The following ANXA8 variants were observed in gnomAD, a reference collection of about 807,000 sequenced individuals.
ANXA8 encodes the protein VAC-beta.
Under a neutral mutation model 26.8 loss-of-function variants are expected in ANXA8, and 9 were observed. The observed-to-expected ratio is 0.34, with a 90% confidence interval of 0.20 to 0.59. ANXA8 has a LOEUF of 0.59. Among genes scored for constraint, ANXA8 ranks in the 20% least tolerant of loss-of-function variants. ANXA8 has a pLI of 0.84. For missense variants in ANXA8, 83 were observed against 238.5 expected (o/e 0.35, Z 4.29); for synonymous variants, 39 against 94.8 (o/e 0.41, Z 3.42).
the ANXA8 span, among the ~76,000 whole-genome samples, chr10:47,750,141 C>T: frequency 6.6e-6 from 1 of 151,840 alleles, no homozygotes; most frequent in Non-Finnish European, 1.5e-5. Context: ...GAAAAACAGA[C>T]AAAAATATCA....
chr10:47,944,186 C>G, the ANXA8 span, among the ~76,000 whole-genome samples: 1 of 145,268 alleles, frequency 6.9e-6, no homozygotes, highest in Non-Finnish European at 1.5e-5. Context: ...ATAGATGGCG[C>G]CTTCTTGCTG....
the ANXA8 span, among the ~76,000 whole-genome samples, chr10:47,621,589 G>A: frequency 3.6e-3 from 396 of 109,026 alleles, 107 homozygotes; most frequent in African/African-American, 0.013. Flanking sequence ...TGGGTCTATG[G>A]GTGGGTAGTG....
the ANXA8 span, among the ~76,000 whole-genome samples, chr10:47,547,265 G>A: frequency 1.2e-4 from 16 of 136,820 alleles, no homozygotes; most frequent in Non-Finnish European, 4.7e-5. Flanking sequence ...CCACAGAATG[G>A]AATGTTATAT....
At chr10:47,516,780 T>A in the ANXA8 span, among the ~76,000 whole-genome samples, 2 of 130,544 alleles carry the variant, frequency 1.5e-5, no homozygotes, top group Admixed American at 1.5e-4. Context: ...TGATAAATGC[T>A]ACAATACTTG....
chr10:47,679,529 T>C, the ANXA8 span, among the ~76,000 whole-genome samples: 2 of 152,038 alleles, frequency 1.3e-5, no homozygotes, highest in Admixed American at 6.5e-5. Context: ...GTGGGAGGAT[T>C]GCTTGAACTC....
At chr10:47,918,367 G>A in the ANXA8 span, among the ~76,000 whole-genome samples, 13 of 17,210 alleles carry the variant, frequency 7.6e-4, no homozygotes, top group African/African-American at 4.6e-3. Flanking sequence ...GAGAGAGAGA[G>A]AGAGAGAGAG....
At chr10:47,472,639 AATTCCC>A (rs1201797765) in intron 9 of ANXA8, among the ~76,000 whole-genome samples, 1 of 152,120 alleles carries the variant, frequency 6.6e-6, no homozygotes, top group Non-Finnish European at 1.5e-5. Flanking sequence ...CTGCATTTTG[AATTCCC>A]ATGTGACAAG....
the ANXA8 span, among the ~76,000 whole-genome samples, chr10:47,624,180 T>G: frequency 1.1e-5 from 1 of 93,812 alleles, no homozygotes; most frequent in Non-Finnish European, 2.2e-5. Flanking sequence ...AGGCAGAGCT[T>G]GCAGTGAGCC....
chr10:47,691,312 A>G, the ANXA8 span: 6 of 992,510 alleles, frequency 6.0e-6, no homozygotes, highest in Non-Finnish European at 8.7e-6. Flanking sequence ...TAGTCTTTGA[A>G]GACTCTTTCT....
At chr10:47,689,116 T>A in the ANXA8 span, among the ~76,000 whole-genome samples, 7 of 141,510 alleles carry the variant, frequency 4.9e-5, no homozygotes, top group Non-Finnish European at 9.2e-5. Flanking sequence ...CCATCTCAAA[T>A]GAAACAAACA....
chr10:47,502,809 G>A, the ANXA8 span: 16 of 1,593,022 alleles, frequency 1.0e-5, 3 homozygotes, highest in East Asian at 3.5e-4. Flanking sequence ...CCAGGATCTG[G>A]CTCTGGATGG....
rs1839173980 is a variant in ANXA8, at chr10:47,468,331, T to C, written c.*516A>G. On this transcript the variant is annotated 3_prime_UTR_variant, in exon 12 of 12. Coordinates refer to ENST00000585281, the MANE Select transcript of ANXA8 (RefSeq NM_001040084.3). ...TCGGTTGGGATGGATTCGTGTTCGT[T>C]TCTCAGCTGCTGAAGGATGTGTGTT... The C allele has an allele frequency of 2.3e-5, 4 of 176,500 alleles. No homozygotes were observed. The South Asian group carries it at 5.3e-4, about 23-fold the overall frequency. 10.9% of individuals were successfully genotyped at this position (176,500 alleles called of 1,614,324 possible). A position where few individuals can be genotyped will look rare whatever the true frequency, so the allele number is the denominator to read the frequency against.
At chr10:47,665,385 C>G in the ANXA8 span, among the ~76,000 whole-genome samples, 1 of 150,946 alleles carries the variant, frequency 6.6e-6, no homozygotes, top group Non-Finnish European at 1.5e-5. Flanking sequence ...GCTGCGTACA[C>G]TTTATTGTTC....
At chr10:47,560,037 G>A in the ANXA8 span, among the ~76,000 whole-genome samples, 4 of 150,654 alleles carry the variant, frequency 2.7e-5, no homozygotes, top group East Asian at 2.0e-4. Flanking sequence ...TCCATCCAGC[G>A]GAACATGTCT....
the ANXA8 span, among the ~76,000 whole-genome samples, chr10:47,977,834 A>C: frequency 9.3e-5 from 14 of 151,322 alleles, no homozygotes; most frequent in Admixed American, 4.0e-4. Context: ...GCATACCAAT[A>C]TGTATATAAT....
chr10:47,563,734 T>A, the ANXA8 span: 2 of 833,746 alleles, frequency 2.4e-6, no homozygotes, highest in Non-Finnish European at 4.3e-6. Flanking sequence ...GGGAAATATG[T>A]TTACAAACAT....
chr10:47,623,135 A>G, the ANXA8 span, among the ~76,000 whole-genome samples: 223 of 109,764 alleles, frequency 2.0e-3, 39 homozygotes, highest in East Asian at 0.018. Flanking sequence ...CCCTTTATTC[A>G]TATACCAAAC....
chr10:47,500,818 T>C, the ANXA8 span, among the ~76,000 whole-genome samples: 1 of 117,772 alleles, frequency 8.5e-6, no homozygotes, highest in African/African-American at 3.5e-5. Context: ...ACTGCAAGCT[T>C]TGCCTCCTGA....
At chr10:47,565,137 T>C in the ANXA8 span, 2 of 750,320 alleles carry the variant, frequency 2.7e-6, no homozygotes, top group Non-Finnish European at 4.9e-6. Flanking sequence ...CTGGGCCAGC[T>C]GCTGGAGGAC....
Sources: allele counts gnomAD v4.1 joint callset (sites outside exome capture counted in the v4.1 genomes callset), GRCh38; gene constraint gnomAD v4.1.1; transcripts MANE v1.5; gene names NCBI Gene and HGNC (gene_info 2026-07-23, HGNC 2026-07-21).